Variants in TMPRSS11D observed in about 807,000 individuals in gnomAD.
TMPRSS11D encodes the protein transmembrane protease serine 11D.
In TMPRSS11D, 32 loss-of-function variants were observed where a neutral mutation model predicts 44.4. The observed-to-expected ratio is 0.72, with a 90% CI of 0.54 to 0.97. TMPRSS11D has a LOEUF of 0.97. TMPRSS11D is among the 50% of genes least tolerant of loss of function. TMPRSS11D has a pLI of 0.00. For synonymous variants in TMPRSS11D, 179 were observed against 177.9 expected (o/e 1.01, Z -0.05); for missense variants, 446 against 502.6 (o/e 0.89, Z 1.08).
intron 6 of TMPRSS11D, among the ~76,000 whole-genome samples, chr4:67,834,620 G>A (rs978326516): frequency 5.3e-5 from 8 of 152,036 alleles, no homozygotes; most frequent in Admixed American, 1.3e-4. Flanking sequence ...TTTCCTTCAG[G>A]TTATAGACCC....
At chr4:67,829,856 A>C (rs1246427539) in intron 7 of TMPRSS11D, among the ~76,000 whole-genome samples, 1 of 152,070 alleles carries the variant, frequency 6.6e-6, no homozygotes, top group Non-Finnish European at 1.5e-5. Context: ...AAACAAAAGA[A>C]TAATACTAAA....
In TMPRSS11D at chr4:67,859,540, A is replaced by G. The variant is rs1298465598; in HGVS notation, c.130+17T>C. ...GTAGCTATTAAATCTGAAGAGTAAT[A>G]ATGTTCTGGTACTTACCAAAAGCTA... On this transcript the variant is annotated intron_variant, in intron 2 of 9. Coordinates refer to ENST00000283916, the MANE Select transcript of TMPRSS11D (RefSeq NM_004262.3). 2 of 1,610,714 alleles carry G rather than the reference A, an allele frequency of 1.2e-6. No individual in the cohort carries two copies. Among genetic ancestry groups the G allele is most frequent in the Non-Finnish European group, 1.7e-6 (2 of 1,177,996 alleles).
chr4:67,850,971 C>T (rs1171024083), intron 3 of TMPRSS11D, among the ~76,000 whole-genome samples: 1 of 152,130 alleles, frequency 6.6e-6, no homozygotes, highest in African/African-American at 2.4e-5. Flanking sequence ...GAGGAAAAAG[C>T]CTGTGAGCCT....
At chr4:67,825,942 T>C (rs763075818) in intron 8 of TMPRSS11D, 68 bp from the exon 9 acceptor site, 2 of 1,431,500 alleles carry the variant, frequency 1.4e-6, no homozygotes, top group Middle Eastern at 2.1e-4. Flanking sequence ...TATAATAAAT[T>C]TGAGAAGAAA....
intron 3 of TMPRSS11D, among the ~76,000 whole-genome samples, chr4:67,851,181 T>G (rs542655521): frequency 6.6e-6 from 1 of 152,352 alleles, no homozygotes; most frequent in African/African-American, 2.4e-5. Context: ...CTGGTTTTAA[T>G]GGAGATCTAT....
In TMPRSS11D at chr4:67,854,249, T is replaced by C. The variant is rs1718580353; in HGVS notation, c.131-63A>G. The C allele has an allele frequency of 5.7e-6, 5 of 871,386 alleles. No individual in the cohort carries two copies. The East Asian group carries it at 1.3e-4, about 23-fold the overall frequency. 54.0% of individuals were successfully genotyped at this position (871,386 alleles called of 1,614,324 possible). A position where few individuals can be genotyped will look rare whatever the true frequency, so the allele number is the denominator to read the frequency against. On this transcript the variant is annotated intron_variant, in intron 2 of 9. Transcript: ENST00000283916. ...ACTAAGTTGTTGAACCTTTAATTTA[T>C]TCAGGATTATGGGAGGTTATATTAT...
intron 4 of TMPRSS11D, among the ~76,000 whole-genome samples, chr4:67,841,364 A>T (rs1445909602): frequency 6.6e-6 from 1 of 152,186 alleles, no homozygotes; most frequent in African/African-American, 2.4e-5. Context: ...CTAGGGAGGT[A>T]AGGGGAAAAT....
intron 1 of TMPRSS11D, among the ~76,000 whole-genome samples, chr4:67,875,230 T>A (rs1719157473): frequency 6.6e-6 from 1 of 152,182 alleles, no homozygotes; most frequent in African/African-American, 2.4e-5. Flanking sequence ...GTTGCACATA[T>A]ATTCTCTTAT....
intron 1 of TMPRSS11D, among the ~76,000 whole-genome samples, chr4:67,865,574 C>T (rs759428390): frequency 7.3e-5 from 11 of 151,442 alleles, no homozygotes; most frequent in Non-Finnish European, 1.5e-4. Context: ...AATTGATAGA[C>T]CGCTACCTAG....
At position 67,827,473 on chromosome 4, in the gene TMPRSS11D, GT is replaced by G. The variant is rs768011420; in HGVS notation, c.739del (p.Thr247HisfsTer5). On this transcript the variant is annotated frameshift_variant, in exon 8 of 10. Transcript: ENST00000283916. LOFTEE classifies it high-confidence loss of function. ...TACTCTCATTCTTAGTTTAGGAAAT[GT>G]TGTGGAAATACCAGACGTGGCAATC... is the stretch of plus-strand genomic sequence containing the variant. ...DWIATSGISTTFPKLRMRVRN... is the reference protein window; with the variant it reads ...DWIATSGISTXFPKLRMRVRN... The G allele has an allele frequency of 6.2e-7, 1 of 1,611,684 alleles. No homozygotes were observed. The highest frequency in any genetic ancestry group is 1.1e-5 in the South Asian group (1 of 90,792).
At chr4:67,826,243 A>G (rs1198424409) in intron 8 of TMPRSS11D, among the ~76,000 whole-genome samples, 1 of 152,272 alleles carries the variant, frequency 6.6e-6, no homozygotes, top group African/African-American at 2.4e-5. Flanking sequence ...AAACCAGTCT[A>G]GTTTCAAGGC....
intron 5 of TMPRSS11D, chr4:67,837,910 C>T (rs1231556481): frequency 7.4e-6 from 2 of 268,768 alleles, no homozygotes; most frequent in African/African-American, 2.2e-5. Flanking sequence ...CTGACAGTAA[C>T]ATCACTCATA....
At chr4:67,877,065 G>A (rs936899345) in intron 1 of TMPRSS11D, among the ~76,000 whole-genome samples, 1 of 152,150 alleles carries the variant, frequency 6.6e-6, no homozygotes, top group African/African-American at 2.4e-5. Flanking sequence ...GGCTGCTGAG[G>A]TGTGGTAACT....
chr4:67,852,264 G>T lies in TMPRSS11D; in HGVS notation c.249+1804C>A, dbSNP rs6842664. Among the ~76,000 whole-genome samples the T allele has an allele frequency of 2.5e-4, 38 of 152,308 alleles. No homozygotes were observed. In the East Asian group the frequency reaches 2.9e-3, roughly 12 times the overall value. ...TAAAACGTAGTTAGAGTTGGAAACC[G>T]TCCTGCCGGTTTCCATAGAGGACCC... On this transcript the variant is annotated intron_variant, in intron 3 of 9. Transcript: ENST00000283916.
intron 1 of TMPRSS11D, among the ~76,000 whole-genome samples, chr4:67,864,555 A>G (rs901321521): frequency 6.7e-6 from 1 of 149,876 alleles, no homozygotes; most frequent in African/African-American, 2.5e-5. Flanking sequence ...TTATAAAACA[A>G]TTACAGAAAT....
intron 1 of TMPRSS11D, among the ~76,000 whole-genome samples, chr4:67,875,776 G>T (rs532154394): frequency 6.6e-6 from 1 of 152,346 alleles, no homozygotes; most frequent in African/African-American, 2.4e-5. Flanking sequence ...TTAAAAACTT[G>T]TTAACACAAC....
chr4:67,883,941 C>G lies in TMPRSS11D; in HGVS notation c.-8G>C, dbSNP rs371061181. Reference sequence around the variant, plus strand: ...CAGGACTTACCTATACATTTTAATCCTTAATGAAGAGGTTCTTTTTTCTGC... The same window carrying G: ...CAGGACTTACCTATACATTTTAATCGTTAATGAAGAGGTTCTTTTTTCTGC... On this transcript the variant is annotated 5_prime_UTR_variant, in exon 1 of 10. Coordinates refer to ENST00000283916, the MANE Select transcript of TMPRSS11D (RefSeq NM_004262.3). The G allele has an allele frequency of 8.1e-5, 129 of 1,600,092 alleles. No individual in the cohort carries two copies. The highest frequency in any genetic ancestry group is 1.1e-4 in the Non-Finnish European group (129 of 1,173,892).
At chr4:67,880,166 G>A (rs137857494) in intron 1 of TMPRSS11D, among the ~76,000 whole-genome samples, 8 of 152,302 alleles carry the variant, frequency 5.3e-5, no homozygotes, top group Admixed American at 2.6e-4. Context: ...AGGTCAGTTC[G>A]TAGACAGGAG....
Position 67,842,634 on chromosome 4 carries a change from A to G in TMPRSS11D, c.250-9T>C, listed in dbSNP as rs748768829. The G allele has an allele frequency of 1.2e-6, 2 of 1,603,514 alleles. No homozygotes were observed. The highest frequency in any genetic ancestry group is 1.7e-6 in the Non-Finnish European group (2 of 1,174,542). On this transcript the variant is annotated splice_polypyrimidine_tract_variant and intron_variant, in intron 3 of 9. Transcript: ENST00000283916. ...TTGAATGTTTTAGTAATCTGTAGAA[A>G]GAAAGAGAGGGGGAATCTCTCTGTA...
Sources: gnomAD v4.1 joint callset for allele counts (sites outside exome capture counted in the v4.1 genomes callset) on GRCh38, gnomAD v4.1.1 for gene constraint, MANE v1.5 for transcripts, NCBI Gene and HGNC (gene_info 2026-07-23, HGNC 2026-07-21) for gene names.